CST2: variants seen among roughly 807,000 people sequenced by gnomAD.
The protein encoded by CST2 is cystatin SA.
Under a neutral mutation model 13.4 loss-of-function variants are expected in CST2, and 26 were observed. The observed-to-expected ratio is 1.95, with a 90% CI of 1.43 to 2.70. The LOEUF is 2.70. Ranked by LOEUF, CST2 falls within the 30% of genes most tolerant of loss-of-function variation. The pLI is 0.00. For missense variants in CST2, 243 were observed against 173.4 expected, an observed-to-expected ratio of 1.40 and a Z score of -2.25; for synonymous variants, 105 against 71.1, an observed-to-expected ratio of 1.48 and a Z score of -2.40.
chr20:23,825,120 A>T, intron 2 of CST2, 90 bp downstream of exon 2: 1 of 1,549,600 alleles, frequency 6.5e-7, no homozygotes, highest in South Asian at 1.1e-5. Flanking sequence ...CTGCACACAC[A>T]CACCCTCCAA....
Position 23,823,963 on chromosome 20 carries a change from G to T in CST2, c.*57C>A. The T allele has an allele frequency of 1.3e-6, 2 of 1,584,794 alleles. No homozygotes were observed. The highest frequency in any genetic ancestry group is 1.3e-5 in the African/African-American group (1 of 74,430). ...GTGGGGGCCACCAGTCCAGGGGTGG[G>T]AGCACTACAAGGGGTGGGAGTAGGA... On this transcript the variant is annotated 3_prime_UTR_variant, in exon 3 of 3. Coordinates refer to ENST00000304725, the MANE Select transcript of CST2 (RefSeq NM_001322.3).
At chr20:23,825,648 G>C (rs1174632524) in intron 1 of CST2, among the ~76,000 whole-genome samples, 2 of 152,244 alleles carry the variant, frequency 1.3e-5, no homozygotes, top group Non-Finnish European at 2.9e-5. Context: ...GGGCCTGATG[G>C]TCTGCAATGC....
chr20:23,826,469 G>C lies in CST2; in HGVS notation c.192C>G (p.Tyr64Ter), dbSNP rs778126750. 6.2e-7 allele frequency: 1 copy of C among 1,614,186 alleles called. No homozygotes were observed. Among genetic ancestry groups the C allele is most frequent in the Non-Finnish European group, 8.5e-7 (1 of 1,180,010 alleles). The change falls in exon 1 of 3, where the codon TAC becomes TAG. Residue 64 changes from tyrosine (Y) to a stop codon, truncating the protein, a stop_gained. Coordinates refer to ENST00000304725, the MANE Select transcript of CST2 (RefSeq NM_001322.3). LOFTEE classifies it high-confidence loss of function. ...EYNKATEDEY[Y>*]RRLLRVLRAR... The stretch of plus-strand genomic sequence containing the variant: ...CTCGTAGCACCCGCAGCAGGCGTCT[G>C]TAGTACTCATCTTCAGTGGCCTTGT...
In CST2 at chr20:23,823,992, G is replaced by A. The variant is rs771242128; in HGVS notation, c.*28C>T. 3.7e-6 allele frequency: 6 copies of A among 1,611,208 alleles called. No homozygotes were observed. The highest frequency in any genetic ancestry group is 1.1e-5 in the South Asian group (1 of 90,998). ...ACTACAAGGGGTGGGAGTAGGAGGTGGTCAGTGTGACTCCCTGGCACAGAT... is the reference window on the plus strand; with the variant it reads ...ACTACAAGGGGTGGGAGTAGGAGGTAGTCAGTGTGACTCCCTGGCACAGAT... On this transcript the variant is annotated 3_prime_UTR_variant, in exon 3 of 3. Transcript: ENST00000304725.
At chr20:23,824,212 G>T (rs546102041) in intron 2 of CST2, 109 bp from the exon 3 acceptor site, 29 of 1,090,756 alleles carry the variant, frequency 2.7e-5, no homozygotes, top group Admixed American at 9.7e-5. Context: ...GTGAGACACT[G>T]GGCCCTCACC....
In CST2 at chr20:23,826,259, T is replaced by A. The variant is rs181055057; in HGVS notation, c.228+174A>T. ...CCATCCAGAGTCAGCATAGTCTCCATCCCCCGGGAGCATGCTTAGGCATGA... is the reference window on the plus strand; with the variant it reads ...CCATCCAGAGTCAGCATAGTCTCCAACCCCCGGGAGCATGCTTAGGCATGA... On this transcript the variant is annotated intron_variant, in intron 1 of 2. Coordinates refer to ENST00000304725, the MANE Select transcript of CST2 (RefSeq NM_001322.3). 7.9e-5 allele frequency among the ~76,000 whole-genome samples: 12 copies of A among 152,186 alleles called. No homozygotes were observed. In the East Asian group the frequency reaches 2.3e-3, roughly 30 times the overall value.
chr20:23,825,053 TCCA>T (rs1984784730), intron 2 of CST2, among the ~76,000 whole-genome samples, 154 bp downstream of exon 2: 1 of 151,368 alleles, frequency 6.6e-6, no homozygotes, highest in Non-Finnish European at 1.5e-5. Context: ...TGCACAACCC[TCCA>T]CAAGTACATG....
chr20:23,824,029 T>C lies in CST2; in HGVS notation c.417A>G (p.Gln139=), dbSNP rs1482823977. 5 of 1,613,928 alleles carry C rather than the reference T, an allele frequency of 3.1e-6. No homozygotes were observed. The highest frequency in any genetic ancestry group is 4.2e-6 in the Non-Finnish European group (5 of 1,179,942). ...TCCCTGGCACAGATCCCTAGGCTTC[T>C]TGACACCTGGAATTCACCAGGGACA... ...DRMSLVNSRC[Q]EA The change falls in exon 3 of 3, where the codon CAA becomes CAG. Residue 139 remains glutamine (Q), a synonymous_variant. Transcript: ENST00000304725.
chr20:23,823,894 T>C lies in CST2; in HGVS notation c.*126A>G. On this transcript the variant is annotated 3_prime_UTR_variant, in exon 3 of 3. Transcript: ENST00000304725. Reference sequence around the variant, plus strand: ...GCAACAAAGGCCTCCTGCAGCCTTCTCTGTCTTCTCCTGCTGCAGGTGCAT... The same window carrying C: ...GCAACAAAGGCCTCCTGCAGCCTTCCCTGTCTTCTCCTGCTGCAGGTGCAT... The C allele has an allele frequency of 8.0e-6, 8 of 996,974 alleles. No individual in the cohort carries two copies. Among genetic ancestry groups the C allele is most frequent in the Non-Finnish European group, 1.2e-5 (8 of 659,138 alleles). The allele number at this position is 996,974 out of a possible 1,614,324, so 61.8% of individuals were successfully genotyped here. A position where few individuals can be genotyped will look rare whatever the true frequency, so the allele number is the denominator to read the frequency against.
Position 23,823,864 on chromosome 20 carries a change from G to T in CST2, c.*156C>A. 1 of 726,618 alleles carries T rather than the reference G, an allele frequency of 1.4e-6. No individual in the cohort carries two copies. The highest frequency in any genetic ancestry group is 2.3e-6 in the Non-Finnish European group (1 of 430,464). The allele number at this position is 726,618 out of a possible 1,614,324, so 45.0% of individuals were successfully genotyped here. ...GGAAGGAGGGAGGGCAGAGTCCCCT[G>T]CTGAGCAACAAAGGCCTCCTGCAGC... On this transcript the variant is annotated 3_prime_UTR_variant, in exon 3 of 3. Coordinates refer to ENST00000304725, the MANE Select transcript of CST2 (RefSeq NM_001322.3).
At chr20:23,826,148 C>A (rs149822607) in intron 1 of CST2, among the ~76,000 whole-genome samples, 1 of 152,122 alleles carries the variant, frequency 6.6e-6, no homozygotes. Flanking sequence ...GAACAGGAAG[C>A]GAAGTTCCTG....
In CST2 at chr20:23,824,346, G is replaced by T. The variant is rs1380354805; in HGVS notation, c.343-243C>A. ...CCGCAGCCTGCAGTGTCCTGTCCCA[G>T]CACAGCCCTGTGAGGATCAGCCTGT... On this transcript the variant is annotated intron_variant, in intron 2 of 2. Transcript: ENST00000304725. 5.9e-5 allele frequency among the ~76,000 whole-genome samples: 9 copies of T among 152,152 alleles called. No homozygotes were observed. In the East Asian group the frequency reaches 1.2e-3, roughly 20 times the overall value.
chr20:23,824,382 G>A (rs1466395451), intron 2 of CST2, among the ~76,000 whole-genome samples: 2 of 152,118 alleles, frequency 1.3e-5, no homozygotes, highest in Admixed American at 6.5e-5. Context: ...GCAAGACCTT[G>A]GGAGCCCCAA....
Position 23,825,264 on chromosome 20 carries a change from C to T in CST2, c.288G>A (p.Lys96=), listed in dbSNP as rs140499234. ...DIEVGRTICT[K]SQPNLDTCAF... ...CACAGGTGTCCAAGTTGGGCTGGGACTTGGTACATATGGTTCGGCCCACCT... is the reference window on the plus strand; with the variant it reads ...CACAGGTGTCCAAGTTGGGCTGGGATTTGGTACATATGGTTCGGCCCACCT... The change falls in exon 2 of 3, where the codon AAG becomes AAA. Residue 96 remains lysine, a synonymous_variant. Coordinates refer to ENST00000304725, the MANE Select transcript of CST2 (RefSeq NM_001322.3). 1.8e-4 allele frequency: 298 copies of T among 1,614,104 alleles called. 1 individual carries two copies. The African/African-American group carries it at 3.5e-3, about 19-fold the overall frequency.
chr20:23,824,820 G>C (rs897723174), intron 2 of CST2, among the ~76,000 whole-genome samples: 6 of 152,026 alleles, frequency 3.9e-5, no homozygotes, highest in Admixed American at 3.3e-4. Flanking sequence ...CCATTCCCAA[G>C]CTGAAGGCTT....
At chr20:23,826,350 G>T in intron 1 of CST2, 83 bp downstream of exon 1, 1 of 1,071,960 alleles carries the variant, frequency 9.3e-7, no homozygotes, top group Admixed American at 1.9e-5. Flanking sequence ...ATGTATCAGT[G>T]TTGATGTGCT....
rs1341595700 is a variant in CST2, at chr20:23,824,069, G to A, written c.377C>T (p.Pro126Leu). ...CACCAGGGACATTCTGTCCTCCCAG[G>A]GAACTTCGTAGATCTGGAAAGAGCA... ...QLCSFQIYEVPWEDRMSLVNS... is the reference protein window; with the variant it reads ...QLCSFQIYEVLWEDRMSLVNS... The change falls in exon 3 of 3, where the codon CCC becomes CTC. Residue 126 changes from proline to leucine, a missense_variant. Coordinates refer to ENST00000304725, the MANE Select transcript of CST2 (RefSeq NM_001322.3). 2 of 1,614,088 alleles carry A rather than the reference G, an allele frequency of 1.2e-6. No individual in the cohort carries two copies. The highest frequency in any genetic ancestry group is 1.1e-5 in the South Asian group (1 of 91,074).
intron 1 of CST2, among the ~76,000 whole-genome samples, chr20:23,826,149 G>T (rs1313352948): frequency 6.6e-6 from 1 of 152,182 alleles, no homozygotes; most frequent in Non-Finnish European, 1.5e-5. Context: ...AACAGGAAGC[G>T]AAGTTCCTGT....
At position 23,826,447 on chromosome 20, in the gene CST2, G is replaced by T. The variant is rs568411970; in HGVS notation, c.214C>A (p.Arg72=). 1.4e-5 allele frequency: 22 copies of T among 1,614,080 alleles called. No individual in the cohort carries two copies. In the Middle Eastern group the frequency reaches 1.2e-3, roughly 85 times the overall value. Residue 72 remains arginine, a synonymous_variant, in exon 1 of 3, where the codon CGA becomes AGA. Transcript: ENST00000304725. ...EYYRRLLRVL[R]AREQIVGGVN... is the part of the protein sequence containing the mutation. Reference sequence around the variant, plus strand: ...GCAGCACCCACCTGCTCCCTGGCTCGTAGCACCCGCAGCAGGCGTCTGTAG... The same window carrying T: ...GCAGCACCCACCTGCTCCCTGGCTCTTAGCACCCGCAGCAGGCGTCTGTAG...
Sources: gnomAD v4.1 joint callset for allele counts (sites outside exome capture counted in the v4.1 genomes callset) on GRCh38, gnomAD v4.1.1 for gene constraint, MANE v1.5 for transcripts, NCBI Gene and HGNC (gene_info 2026-07-23, HGNC 2026-07-21) for gene names.